GATAD2A: variants seen among roughly 807,000 people sequenced by gnomAD.
The protein encoded by GATAD2A is transcriptional repressor p66-alpha.
Under a neutral mutation model 68.5 loss-of-function variants are expected in GATAD2A, and 12 were observed. That is an observed-to-expected ratio of 0.18 (90% CI 0.11 to 0.28). The LOEUF (loss-of-function observed/expected upper bound fraction) is 0.28, where lower values mean the gene tolerates loss of function less well. Among genes scored for constraint, GATAD2A ranks in the 10% least tolerant of loss-of-function variants. The probability of loss-of-function intolerance (pLI) is 1.00; values close to 1 mark genes in which losing one functional copy is unlikely to be tolerated. For synonymous variants in GATAD2A, 410 were observed against 375.3 expected (o/e 1.09, Z -1.07); for missense variants, 755 against 868.5 (o/e 0.87, Z 1.64).
intron 9 of GATAD2A, 55 bp from the exon 10 acceptor site, chr19:19,501,914 C>T: frequency 1.4e-6 from 2 of 1,421,082 alleles, no homozygotes; most frequent in Admixed American, 1.7e-5. Context: ...CCCTCGGTCA[C>T]CCTGGGCCGG....
intron 1 of GATAD2A, among the ~76,000 whole-genome samples, chr19:19,463,291 T>C (rs1358759528): frequency 6.6e-6 from 1 of 152,038 alleles, no homozygotes; most frequent in Non-Finnish European, 1.5e-5. Flanking sequence ...TGTGGTCTCA[T>C]GGGAGGCAAG....
At chr19:19,490,863 C>T (rs957828733) in intron 2 of GATAD2A, among the ~76,000 whole-genome samples, 3 of 152,114 alleles carry the variant, frequency 2.0e-5, no homozygotes, top group Non-Finnish European at 4.4e-5. Context: ...CCAGCCTGGG[C>T]GACAGAGCAA....
At chr19:19,486,741 G>A (rs2059458914) in intron 2 of GATAD2A, among the ~76,000 whole-genome samples, 1 of 152,204 alleles carries the variant, frequency 6.6e-6, no homozygotes, top group African/African-American at 2.4e-5. Context: ...GATCAGCAGG[G>A]CTGCCTGATC....
chr19:19,426,072 A>G lies in GATAD2A; in HGVS notation c.-7+20053A>G, dbSNP rs150083742. Among the ~76,000 whole-genome samples, 802 of 151,980 alleles carry G rather than the reference A, an allele frequency of 5.3e-3. 6 individuals are homozygous for G. Among genetic ancestry groups the G allele is most frequent in the South Asian group, 0.041 (198 of 4,804 alleles). On this transcript the variant is annotated intron_variant, in intron 1 of 11. Transcript: ENST00000683918. ...CAAAGTGCTGGGATTACAGGCATGA[A>G]CCACTGCACCTGGCCCCTGCAGACA...
intron 2 of GATAD2A, among the ~76,000 whole-genome samples, chr19:19,469,775 C>T (rs999135576): frequency 5.3e-5 from 8 of 152,094 alleles, no homozygotes; most frequent in Middle Eastern, 3.4e-3. Context: ...GGTGAAACCC[C>T]GTCTCTACTA....
chr19:19,486,970 G>A (rs758773195), intron 2 of GATAD2A, among the ~76,000 whole-genome samples: 8 of 152,204 alleles, frequency 5.3e-5, no homozygotes, highest in Non-Finnish European at 1.0e-4. Flanking sequence ...CTGACTTGCC[G>A]GCAGTCGTTT....
intron 1 of GATAD2A, among the ~76,000 whole-genome samples, chr19:19,426,008 G>A (rs2053046073): frequency 6.6e-6 from 1 of 152,024 alleles, no homozygotes; most frequent in Admixed American, 6.6e-5. Flanking sequence ...GGCTGGTCTC[G>A]AACTTGTAAG....
chr19:19,412,993 A>T (rs145321926), intron 1 of GATAD2A, among the ~76,000 whole-genome samples: 322 of 152,348 alleles, frequency 2.1e-3, no homozygotes, highest in African/African-American at 6.9e-3. Context: ...CTTTCGTACC[A>T]TGGTAAAGTT....
intron 2 of GATAD2A, chr19:19,472,800 G>A (rs1015240989): frequency 2.0e-5 from 3 of 152,216 alleles, no homozygotes; most frequent in Admixed American, 1.3e-4. Context: ...CCTCACTGAG[G>A]ATGTGTTTGT....
At chr19:19,492,538 C>G in intron 3 of GATAD2A, 43 bp from the exon 4 acceptor site, 1 of 1,612,616 alleles carries the variant, frequency 6.2e-7, no homozygotes, top group Non-Finnish European at 8.5e-7. Context: ...CTGCTCCTCA[C>G]CAAGGACGCT....
intron 5 of GATAD2A, among the ~76,000 whole-genome samples, chr19:19,495,234 T>C (rs7508458): frequency 0.046 from 7,044 of 152,094 alleles, 247 homozygotes; most frequent in East Asian, 0.13. Context: ...GCTCAAGATA[T>C]CCACCCGCCT....
At chr19:19,420,177 G>GTTTTTT (rs71170684) in intron 1 of GATAD2A, among the ~76,000 whole-genome samples, 8 of 89,910 alleles carry the variant, frequency 8.9e-5, no homozygotes, top group Non-Finnish European at 1.7e-4. Flanking sequence ...TATCCAGCTA[G>GTTTTTT]TTTTTTTTTT....
chr19:19,420,576 G>A (rs1398375341), intron 1 of GATAD2A, among the ~76,000 whole-genome samples: 2 of 147,668 alleles, frequency 1.4e-5, no homozygotes, highest in African/African-American at 2.5e-5. Flanking sequence ...TCCTGACCTC[G>A]TGATCCGCCC....
At chr19:19,491,103 A>C (rs764321391) in intron 2 of GATAD2A, among the ~76,000 whole-genome samples, 1 of 152,104 alleles carries the variant, frequency 6.6e-6, no homozygotes, top group Non-Finnish European at 1.5e-5. Context: ...AAATCAGACT[A>C]GTGTGTTCCT....
chr19:19,492,951 T>A (rs1273923268), intron 4 of GATAD2A, among the ~76,000 whole-genome samples: 1 of 151,762 alleles, frequency 6.6e-6, no homozygotes, highest in Non-Finnish European at 1.5e-5. Context: ...CTTTTTTTTT[T>A]TTTTTTTTGA....
At chr19:19,425,785 C>A (rs1446582602) in intron 1 of GATAD2A, among the ~76,000 whole-genome samples, 2 of 150,994 alleles carry the variant, frequency 1.3e-5, no homozygotes, top group Non-Finnish European at 3.0e-5. Context: ...TTTTCTTTTT[C>A]TTTTCTTTTC....
At chr19:19,476,270 T>C (rs1031250163) in intron 2 of GATAD2A, among the ~76,000 whole-genome samples, 4 of 152,244 alleles carry the variant, frequency 2.6e-5, no homozygotes, top group African/African-American at 9.6e-5. Flanking sequence ...TGAGCAGATT[T>C]GCAGATTAAG....
At chr19:19,450,051 A>C (rs2056206583) in intron 1 of GATAD2A, among the ~76,000 whole-genome samples, 1 of 152,026 alleles carries the variant, frequency 6.6e-6, no homozygotes, top group Non-Finnish European at 1.5e-5. Flanking sequence ...TGACCTTCCA[A>C]AGTGCTGGGA....
At chr19:19,409,886 A>G (rs1366230254) in intron 1 of GATAD2A, among the ~76,000 whole-genome samples, 2 of 152,104 alleles carry the variant, frequency 1.3e-5, no homozygotes, top group Non-Finnish European at 2.9e-5. Context: ...TTTCCAGACT[A>G]TATTTGTGAC....
Sources: allele counts gnomAD v4.1 joint callset (sites outside exome capture counted in the v4.1 genomes callset), GRCh38; gene constraint gnomAD v4.1.1; transcripts MANE v1.5; gene names NCBI Gene and HGNC (gene_info 2026-07-23, HGNC 2026-07-21).